SSH2: variants seen among roughly 807,000 people sequenced by gnomAD.
SSH2 encodes protein phosphatase Slingshot homolog 2.
A neutral mutation model predicts 135.2 loss-of-function variants in SSH2; 37 were observed. The observed-to-expected ratio is 0.27, with a 90% CI of 0.21 to 0.36. SSH2 has a LOEUF of 0.36. SSH2 is among the 10% of genes least tolerant of loss of function. The pLI is 1.00. For synonymous variants in SSH2, 628 were observed against 646.2 expected (o/e 0.97, Z 0.43); for missense variants, 1,408 against 1,765.3 (o/e 0.80, Z 3.63).
At chr17:29,709,166 T>C (rs117519514) in intron 3 of SSH2, among the ~76,000 whole-genome samples, 1,645 of 152,052 alleles carry the variant, frequency 0.011, 13 homozygotes, top group Non-Finnish European at 0.018. Context: ...ACCCCCAATA[T>C]ACATGTAAGA....
chr17:29,847,470 C>T (rs989788556), intron 2 of SSH2, among the ~76,000 whole-genome samples: 2 of 152,082 alleles, frequency 1.3e-5, no homozygotes, highest in African/African-American at 4.8e-5. Flanking sequence ...TGTAGCCGAC[C>T]CCCTCAGGTT....
chr17:29,656,184 C>CT (rs1238026437), intron 11 of SSH2, among the ~76,000 whole-genome samples: 3 of 151,960 alleles, frequency 2.0e-5, no homozygotes, highest in Non-Finnish European at 2.9e-5. Context: ...AGCTCACACT[C>CT]TTTTTTTTCT....
intron 1 of SSH2, among the ~76,000 whole-genome samples, chr17:29,923,397 T>C (rs531777484): frequency 1.6e-4 from 25 of 152,094 alleles, no homozygotes; most frequent in Non-Finnish European, 2.6e-4. Flanking sequence ...CGTGAGAGGA[T>C]TGCTTGAGCC....
chr17:29,646,530 C>T (rs781296630), intron 14 of SSH2, among the ~76,000 whole-genome samples: 3 of 152,120 alleles, frequency 2.0e-5, no homozygotes, highest in Non-Finnish European at 4.4e-5. Context: ...GACAGAGTCT[C>T]ACTCTGTCGC....
chr17:29,848,758 G>T, intron 2 of SSH2, 91 bp downstream of exon 2: 1 of 761,950 alleles, frequency 1.3e-6, no homozygotes, highest in Non-Finnish European at 2.1e-6. Flanking sequence ...AAAATAATAG[G>T]CACTATATCA....
At chr17:29,690,445 G>A (rs1313398049) in intron 5 of SSH2, among the ~76,000 whole-genome samples, 1 of 150,544 alleles carries the variant, frequency 6.6e-6, no homozygotes, top group Non-Finnish European at 1.5e-5. Flanking sequence ...TACACCAAGA[G>A]TCTTACATGC....
At chr17:29,748,327 A>G (rs1383126016) in intron 3 of SSH2, among the ~76,000 whole-genome samples, 1 of 152,054 alleles carries the variant, frequency 6.6e-6, no homozygotes, top group Non-Finnish European at 1.5e-5. Flanking sequence ...CTGTTCTTTC[A>G]CATTTGAAGG....
chr17:29,853,105 T>TTC (rs1174322175), intron 1 of SSH2, among the ~76,000 whole-genome samples: 4 of 149,526 alleles, frequency 2.7e-5, no homozygotes, highest in East Asian at 1.9e-4. Flanking sequence ...TTTTTTTTTT[T>TTC]CCAGAGTCTC....
At chr17:29,730,218 A>T (rs2040133331) in intron 3 of SSH2, among the ~76,000 whole-genome samples, 1 of 151,334 alleles carries the variant, frequency 6.6e-6, no homozygotes, top group Non-Finnish European at 1.5e-5. Flanking sequence ...GCTACTTGGG[A>T]GGCTGAGGCG....
chr17:29,909,058 CAG>C (rs2066715833), intron 1 of SSH2, among the ~76,000 whole-genome samples: 1 of 151,626 alleles, frequency 6.6e-6, no homozygotes, highest in African/African-American at 2.4e-5. Context: ...GCCTGGGTGA[CAG>C]AGCAAGACTC....
Position 29,636,389 on chromosome 17 carries a change from T to C in SSH2, c.1841A>G (p.Asn614Ser), listed in dbSNP as rs781025460. 2 of 1,614,116 alleles carry C rather than the reference T, an allele frequency of 1.2e-6. No individual in the cohort carries two copies. Among genetic ancestry groups the C allele is most frequent in the African/African-American group, 1.3e-5 (1 of 74,944 alleles). Residue 614 changes from asparagine (N) to serine (S), a missense_variant, in exon 15 of 16, where the codon AAC becomes AGC. This residue lies in a region of SSH2 where 1,080 missense variants were observed against 1,144.5 expected (regional missense o/e 0.94). Coordinates refer to ENST00000540801, the MANE Select transcript of SSH2 (RefSeq NM_001282129.2). ...IQPGHVPEMA[N>S]KFPDLTVEDL... ...TTCCACTGTTAAGTCTGGAAACTTG[T>C]TGGCCATTTCTGGGACATGTCCAGG...
chr17:29,848,965 C>T lies in SSH2; in HGVS notation c.64-36G>A, dbSNP rs1463388701. On this transcript the variant is annotated intron_variant, in intron 1 of 15. Coordinates refer to ENST00000540801, the MANE Select transcript of SSH2 (RefSeq NM_001282129.2). ...AACAAGATCATTTCAGAGATCCAAA[C>T]GAATGGGCCCATAAGCACGAGGGGA... is the stretch of plus-strand genomic sequence containing the variant. 4.3e-6 allele frequency: 6 copies of T among 1,410,542 alleles called. No individual in the cohort carries two copies. In the East Asian group the frequency reaches 7.5e-5, roughly 18 times the overall value. 87.4% of individuals were successfully genotyped at this position (1,410,542 alleles called of 1,614,324 possible). A position where few individuals can be genotyped will look rare whatever the true frequency, so the allele number is the denominator to read the frequency against.
In SSH2 at chr17:29,793,620, C is replaced by T. The variant is rs1440620013; in HGVS notation, c.188+274G>A. The T allele has an allele frequency of 4.1e-5, 11 of 269,536 alleles. No individual in the cohort carries two copies. The East Asian group carries it at 7.2e-4, about 18-fold the overall frequency. 16.7% of individuals were successfully genotyped at this position (269,536 alleles called of 1,614,324 possible). A position where few individuals can be genotyped will look rare whatever the true frequency, so the allele number is the denominator to read the frequency against. ...TGAGTCAGTAACTGGATTCCTAAAG[C>T]ATTCGCTCTTACTCTTTTTTTTTTT... On this transcript the variant is annotated intron_variant, in intron 3 of 15. Transcript: ENST00000540801.
intron 3 of SSH2, among the ~76,000 whole-genome samples, chr17:29,747,250 C>G (rs1567943125): frequency 6.6e-6 from 1 of 152,100 alleles, no homozygotes; most frequent in Admixed American, 6.6e-5. Flanking sequence ...CTTCTTCTAC[C>G]CTGGAAACCT....
chr17:29,786,616 C>T (rs985122257), intron 3 of SSH2, among the ~76,000 whole-genome samples: 1 of 151,912 alleles, frequency 6.6e-6, no homozygotes, highest in Admixed American at 6.6e-5. Context: ...TCTTTTTATG[C>T]CTGTCTTCTG....
chr17:29,851,324 C>T (rs1170699732), intron 1 of SSH2, among the ~76,000 whole-genome samples: 1 of 151,912 alleles, frequency 6.6e-6, no homozygotes, highest in Non-Finnish European at 1.5e-5. Context: ...AGGCTGGGCA[C>T]GGTGGCTCAC....
intron 2 of SSH2, among the ~76,000 whole-genome samples, chr17:29,804,376 G>A (rs2042303119): frequency 6.6e-6 from 1 of 152,124 alleles, no homozygotes; most frequent in South Asian, 2.1e-4. Flanking sequence ...CAACAAGAAA[G>A]CGAGCTTGAT....
At position 29,631,118 on chromosome 17, in the gene SSH2, C is replaced by T. The variant is rs752844242; in HGVS notation, c.4076G>A (p.Cys1359Tyr). 1.2e-6 allele frequency: 2 copies of T among 1,614,230 alleles called. No homozygotes were observed. The highest frequency in any genetic ancestry group is 2.2e-5 in the East Asian group (1 of 44,890). ...SFVEQLTTTE[C>Y]IVQSKPVERP... ...CTCCACTGGCTTGCTCTGCACAATA[C>T]ACTCTGTTGTTGTGAGTTGTTCTAC... is the stretch of plus-strand genomic sequence containing the variant. Residue 1359 changes from cysteine (C) to tyrosine (Y), a missense_variant, in exon 16 of 16, where the codon TGT (cysteine) becomes TAT (tyrosine). Coordinates refer to ENST00000540801, the MANE Select transcript of SSH2 (RefSeq NM_001282129.2).
intron 2 of SSH2, among the ~76,000 whole-genome samples, chr17:29,840,774 G>A (rs2043026484): frequency 6.6e-6 from 1 of 152,168 alleles, no homozygotes; most frequent in Non-Finnish European, 1.5e-5. Flanking sequence ...AATGCGCCAG[G>A]CCCTCTAAGC....
Sources: allele counts gnomAD v4.1 joint callset (sites outside exome capture counted in the v4.1 genomes callset), GRCh38; gene constraint gnomAD v4.1.1; regional missense constraint gnomAD v4.1.1; transcripts MANE v1.5; gene names NCBI Gene and HGNC (gene_info 2026-07-23, HGNC 2026-07-21).